Variants in PSD3 observed in about 807,000 individuals in gnomAD.
The protein encoded by PSD3 is PH and SEC7 domain-containing protein 3.
A neutral mutation model predicts 105.5 loss-of-function variants in PSD3; 49 were observed. That is an observed-to-expected ratio of 0.46 (90% CI 0.37 to 0.59). The LOEUF is 0.59. PSD3 is among the 20% of genes least tolerant of loss of function. PSD3 has a pLI of 0.00. For missense variants in PSD3, 1,561 were observed against 1,263.8 expected, an observed-to-expected ratio of 1.24 and a Z score of -3.57; for synonymous variants, 557 against 457.8, an observed-to-expected ratio of 1.22 and a Z score of -2.77.
At chr8:18,921,977 A>G (rs556088548) in intron 2 of PSD3, among the ~76,000 whole-genome samples, 81 of 152,348 alleles carry the variant, frequency 5.3e-4, no homozygotes, top group African/African-American at 1.9e-3. Context: ...CCAGTTTTTA[A>G]AAGTTAGCTC....
chr8:18,600,545 G>A (rs1804360582), intron 11 of PSD3, 111 bp from the exon 12 acceptor site: 2 of 899,430 alleles, frequency 2.2e-6, no homozygotes, highest in African/African-American at 3.4e-5. Context: ...GCTACCGAAA[G>A]TAATAACAAT....
intron 12 of PSD3, among the ~76,000 whole-genome samples, chr8:18,593,107 G>C (rs891609122): frequency 1.3e-5 from 2 of 152,152 alleles, no homozygotes; most frequent in African/African-American, 4.8e-5. Flanking sequence ...GGCAATAAAA[G>C]CCAAAATTGA....
chr8:18,535,905 T>C lies in PSD3; in HGVS notation c.2982A>G (p.Leu994=). 1.9e-6 allele frequency: 3 copies of C among 1,614,220 alleles called. No homozygotes were observed. The highest frequency in any genetic ancestry group is 2.5e-6 in the Non-Finnish European group (3 of 1,180,028). Residue 994 remains leucine (L), a synonymous_variant, in exon 16 of 16, where the codon CTA becomes CTG. Coordinates refer to ENST00000327040, the MANE Select transcript of PSD3 (RefSeq NM_015310.4). The part of the protein sequence containing the change: ...VSILKEGGKE[L]LSNDESEAAG... ...CAGCCTCGCTTTCATCGTTACTCAG[T>C]AGCTCTTTGCCTCCTTCCTTGAGAA... is the stretch of plus-strand genomic sequence containing the variant.
chr8:18,918,658 C>T (rs1406608674), intron 2 of PSD3, among the ~76,000 whole-genome samples: 2 of 152,312 alleles, frequency 1.3e-5, no homozygotes, highest in East Asian at 3.9e-4. Flanking sequence ...GTTCCCAGTA[C>T]ATCAGCATTT....
intron 9 of PSD3, among the ~76,000 whole-genome samples, chr8:18,740,724 T>C (rs1257691234): frequency 6.6e-6 from 1 of 152,178 alleles, no homozygotes; most frequent in Non-Finnish European, 1.5e-5. Flanking sequence ...AAAAGTCACA[T>C]GGAAATCCTC....
intron 4 of PSD3, among the ~76,000 whole-genome samples, chr8:18,844,948 G>C (rs964418079): frequency 2.0e-5 from 3 of 152,178 alleles, no homozygotes; most frequent in African/African-American, 7.2e-5. Flanking sequence ...AAATTGGTGG[G>C]AAAGGCTTTG....
At chr8:18,701,999 A>C (rs961872553) in intron 9 of PSD3, among the ~76,000 whole-genome samples, 1 of 152,240 alleles carries the variant, frequency 6.6e-6, no homozygotes. Context: ...AACAAAAAAG[A>C]AGCAAAAACA....
chr8:18,692,768 C>T (rs6996073), intron 9 of PSD3, among the ~76,000 whole-genome samples: 131,257 of 152,210 alleles, frequency 0.86, 57,379 homozygotes, highest in Non-Finnish European at 0.95. Context: ...AATGTATCTT[C>T]GGCCTTTATA....
intron 12 of PSD3, 138 bp downstream of exon 12, chr8:18,600,226 C>T: frequency 1.3e-6 from 1 of 780,942 alleles, no homozygotes; most frequent in Non-Finnish European, 2.1e-6. Context: ...GAATTCTCCG[C>T]TGAAAATTTT....
rs546245222 is a variant in PSD3 at position 18,997,865 on chromosome 8, A to G, written c.21+15698T>C. On this transcript the variant is annotated intron_variant, in intron 1 of 15. Transcript: ENST00000327040. ...GTAACTGCAACTCCACCCCCTCCCA[A>G]ACTCCCTCCTCTGCCTTATTTTTCC... Among the ~76,000 whole-genome samples the G allele has an allele frequency of 3.3e-5, 5 of 151,478 alleles. No individual in the cohort carries two copies. In the East Asian group the frequency reaches 9.7e-4, roughly 29 times the overall value.
intron 14 of PSD3, among the ~76,000 whole-genome samples, chr8:18,563,301 C>T (rs77693622): frequency 6.6e-6 from 1 of 152,092 alleles, no homozygotes; most frequent in African/African-American, 2.4e-5. Flanking sequence ...AACATAGTAC[C>T]TGCTATACAG....
intron 4 of PSD3, chr8:18,808,632 T>G: frequency 7.8e-7 from 1 of 1,288,242 alleles, no homozygotes; most frequent in Non-Finnish European, 1.1e-6. Context: ...GCACAAAGGA[T>G]AAATATGTCC....
rs970121713 is a variant in PSD3 at position 18,530,616 on chromosome 8, T to G, written c.*5127A>C. 3 of 152,232 alleles carry G rather than the reference T, an allele frequency of 2.0e-5. No homozygotes were observed. The highest frequency in any genetic ancestry group is 2.9e-5 in the Non-Finnish European group (2 of 67,990). The allele number at this position is 152,232 out of a possible 1,614,324, so 9.4% of individuals were successfully genotyped here. A position where few individuals can be genotyped will look rare whatever the true frequency, so the allele number is the denominator to read the frequency against. On this transcript the variant is annotated 3_prime_UTR_variant, in exon 16 of 16. Coordinates refer to ENST00000327040, the MANE Select transcript of PSD3 (RefSeq NM_015310.4). The stretch of plus-strand genomic sequence containing the variant: ...TGCTTTAAAGCATCACATTTTGTAA[T>G]AAGCCCAAAATTGTCAGTTTGACTT...
intron 4 of PSD3, among the ~76,000 whole-genome samples, chr8:18,866,913 C>G (rs985401283): frequency 6.6e-6 from 1 of 151,838 alleles, no homozygotes; most frequent in African/African-American, 2.4e-5. Flanking sequence ...CACACACACA[C>G]ACATATACCA....
intron 1 of PSD3, among the ~76,000 whole-genome samples, chr8:19,003,945 G>A (rs1401016102): frequency 6.6e-6 from 1 of 151,988 alleles, no homozygotes; most frequent in Non-Finnish European, 1.5e-5. Flanking sequence ...GGTGAGATCA[G>A]TTTCCCAAAC....
chr8:18,658,142 G>A (rs967681833), intron 9 of PSD3, among the ~76,000 whole-genome samples: 3 of 152,184 alleles, frequency 2.0e-5, no homozygotes, highest in South Asian at 2.1e-4. Context: ...AAACAACATA[G>A]AATAGAATTT....
intron 4 of PSD3, among the ~76,000 whole-genome samples, chr8:18,843,645 A>G (rs1277691167): frequency 3.9e-5 from 6 of 152,206 alleles, no homozygotes; most frequent in Non-Finnish European, 4.4e-5. Flanking sequence ...CAAAGAATAG[A>G]GAAGTAGAGA....
intron 9 of PSD3, among the ~76,000 whole-genome samples, chr8:18,702,246 C>A (rs1477652763): frequency 1.3e-5 from 2 of 152,202 alleles, no homozygotes; most frequent in Non-Finnish European, 2.9e-5. Context: ...CTCAGATCCA[C>A]ATTCTCCCGG....
At chr8:18,630,360 T>C (rs1043244895) in intron 11 of PSD3, among the ~76,000 whole-genome samples, 6 of 151,936 alleles carry the variant, frequency 3.9e-5, no homozygotes, top group African/African-American at 1.4e-4. Flanking sequence ...GTATCTATAT[T>C]CATATGTATT....
Sources: allele counts gnomAD v4.1 joint callset (sites outside exome capture counted in the v4.1 genomes callset), GRCh38; gene constraint gnomAD v4.1.1; transcripts MANE v1.5; gene names NCBI Gene and HGNC (gene_info 2026-07-23, HGNC 2026-07-21).